Variants in SLC25A48 observed in about 807,000 individuals in gnomAD.
SLC25A48 encodes the protein solute carrier family 25 member 48.
SLC25A48 carries 29 observed loss-of-function variants against 32.2 expected under a neutral mutation model. The ratio of observed to expected loss-of-function variants is 0.90; its 90% CI spans 0.67 to 1.23. The LOEUF (loss-of-function observed/expected upper bound fraction) is 1.23. SLC25A48 is among the 50% of genes most tolerant of loss of function. SLC25A48 has a pLI of 0.00. For missense variants in SLC25A48, 399 were observed against 422.7 expected, an observed-to-expected ratio of 0.94 and a Z score of 0.49; for synonymous variants, 164 against 172.3, an observed-to-expected ratio of 0.95 and a Z score of 0.38.
chr5:135,846,571 T>C (rs1197037049), intron 2 of SLC25A48, among the ~76,000 whole-genome samples: 1 of 152,024 alleles, frequency 6.6e-6, no homozygotes, highest in Non-Finnish European at 1.5e-5. Flanking sequence ...CTCATCCTCT[T>C]CTCCTTGGGT....
At chr5:135,678,860 G>A (rs970745363) in intron 3 of SLC25A48, among the ~76,000 whole-genome samples, 1 of 152,118 alleles carries the variant, frequency 6.6e-6, no homozygotes, top group African/African-American at 2.4e-5. Context: ...TGGAGGCTGT[G>A]GTAAAATTTT....
At chr5:135,782,031 A>G (rs1480139233) in intron 3 of SLC25A48, among the ~76,000 whole-genome samples, 1 of 114,356 alleles carries the variant, frequency 8.7e-6, no homozygotes, top group Admixed American at 9.1e-5. Context: ...TTTATTCCCA[A>G]TATCACAGGG....
chr5:135,659,853 A>G (rs1251357376), intron 3 of SLC25A48, among the ~76,000 whole-genome samples: 1 of 152,218 alleles, frequency 6.6e-6, no homozygotes, highest in African/African-American at 2.4e-5. Context: ...AGATAGCATA[A>G]GAACTCAACT....
intron 3 of SLC25A48, among the ~76,000 whole-genome samples, chr5:135,710,588 GCA>G (rs895097401): frequency 1.6e-4 from 24 of 152,310 alleles, no homozygotes; most frequent in African/African-American, 5.8e-4. Flanking sequence ...CCTCTCTGGA[GCA>G]CAGTTTGCTC....
intron 3 of SLC25A48, among the ~76,000 whole-genome samples, chr5:135,787,356 A>G (rs998428715): frequency 6.6e-6 from 1 of 152,050 alleles, no homozygotes; most frequent in Non-Finnish European, 1.5e-5. Context: ...CACTGGGTGT[A>G]GACCCTGTAC....
chr5:135,767,887 G>A (rs1756284859), intron 3 of SLC25A48, among the ~76,000 whole-genome samples: 1 of 149,332 alleles, frequency 6.7e-6, no homozygotes. Flanking sequence ...ATATCCATGG[G>A]CAAAGAAGAG....
intron 3 of SLC25A48, among the ~76,000 whole-genome samples, chr5:135,811,775 T>A (rs1273636712): frequency 6.6e-6 from 1 of 152,224 alleles, no homozygotes; most frequent in Non-Finnish European, 1.5e-5. Context: ...TTGGTAAAAT[T>A]TGCCTGTTTA....
At chr5:135,774,353 G>T (rs987126041) in intron 3 of SLC25A48, among the ~76,000 whole-genome samples, 8 of 151,530 alleles carry the variant, frequency 5.3e-5, no homozygotes, top group African/African-American at 1.5e-4. Flanking sequence ...ATGTCGGGTG[G>T]TGTACACTCC....
intron 4 of SLC25A48, among the ~76,000 whole-genome samples, chr5:135,818,076 T>A (rs1213475622): frequency 1.6e-5 from 1 of 61,434 alleles, no homozygotes; most frequent in Non-Finnish European, 4.7e-5. Flanking sequence ...TCTCTCTCTC[T>A]CTCTCTCTCT....
upstream of SLC25A48, among the ~76,000 whole-genome samples, chr5:135,833,142 C>A (rs1758270380): frequency 2.6e-5 from 4 of 152,344 alleles, no homozygotes; most frequent in South Asian, 8.3e-4. Flanking sequence ...GGGTGATGCG[C>A]CCCATGGGCA....
In SLC25A48 at chr5:135,738,217, C is replaced by T. The variant is rs140428274; in HGVS notation, c.-520-74306C>T. Among the ~76,000 whole-genome samples, 897 of 152,270 alleles carry T rather than the reference C, an allele frequency of 5.9e-3. 14 individuals are homozygous for T. The highest frequency in any genetic ancestry group is 0.021 in the African/African-American group (853 of 41,550). ...AAGGATGCGAAAAGCAGATCAAGTG[C>T]ACTCATTCCCGTGGCAGGCCCAAGA... On this transcript the variant is annotated intron_variant, in intron 3 of 10. Coordinates refer to the SLC25A48 transcript ENST00000646290.
intron 3 of SLC25A48, among the ~76,000 whole-genome samples, chr5:135,761,776 G>C (rs1012908681): frequency 2.0e-5 from 3 of 152,152 alleles, no homozygotes; most frequent in African/African-American, 4.8e-5. Flanking sequence ...GGAGGAGGAG[G>C]GTCGGTGAGA....
At chr5:135,762,449 C>T (rs1004319836) in intron 3 of SLC25A48, among the ~76,000 whole-genome samples, 7 of 152,080 alleles carry the variant, frequency 4.6e-5, no homozygotes. Flanking sequence ...TTTTGAACCA[C>T]GCTAATGTAT....
At chr5:135,814,165 T>A (rs551514769) in intron 4 of SLC25A48, among the ~76,000 whole-genome samples, 87 of 152,328 alleles carry the variant, frequency 5.7e-4, no homozygotes, top group Non-Finnish European at 1.0e-3. Context: ...TCCATGCCCA[T>A]GAGCACCATT....
intron 1 of SLC25A48, among the ~76,000 whole-genome samples, chr5:135,595,172 T>G (rs1751615998): frequency 6.6e-6 from 1 of 152,198 alleles, no homozygotes; most frequent in African/African-American, 2.4e-5. Context: ...CTTAATTCTA[T>G]GAACCCCCCT....
chr5:135,637,957 C>A (rs1015247145), intron 3 of SLC25A48, among the ~76,000 whole-genome samples: 3 of 152,172 alleles, frequency 2.0e-5, no homozygotes, highest in African/African-American at 7.2e-5. Context: ...TATTCTATTT[C>A]ACCAATTTTA....
At chr5:135,785,833 A>G (rs576437998) in intron 3 of SLC25A48, among the ~76,000 whole-genome samples, 13 of 150,338 alleles carry the variant, frequency 8.6e-5, no homozygotes, top group African/African-American at 3.2e-4. Flanking sequence ...CGGGGGTGGA[A>G]CACCTCTTTT....
At chr5:135,715,893 C>G (rs1580808947) in intron 3 of SLC25A48, among the ~76,000 whole-genome samples, 1 of 152,168 alleles carries the variant, frequency 6.6e-6, no homozygotes, top group Admixed American at 6.5e-5. Flanking sequence ...GCTTGACATG[C>G]CTGTGCTGTG....
intron 3 of SLC25A48, among the ~76,000 whole-genome samples, chr5:135,668,943 T>TCTCC (rs1159081415): frequency 6.6e-6 from 1 of 152,170 alleles, no homozygotes; most frequent in Non-Finnish European, 1.5e-5. Flanking sequence ...TTCAAAGATG[T>TCTCC]CATAGCTCAG....
Sources: allele counts gnomAD v4.1 joint callset (sites outside exome capture counted in the v4.1 genomes callset), GRCh38; gene constraint gnomAD v4.1.1; transcripts MANE v1.5; gene names NCBI Gene and HGNC (gene_info 2026-07-23, HGNC 2026-07-21).